Variants in DLG2 observed in about 807,000 individuals in gnomAD.
DLG2 encodes disks large homolog 2.
In DLG2, 45 loss-of-function variants were observed where a neutral mutation model predicts 132.5. That is an observed-to-expected ratio of 0.34 (90% CI 0.27 to 0.44). DLG2 has a LOEUF of 0.44. Among genes scored for constraint, DLG2 ranks in the 20% least tolerant of loss-of-function variants. DLG2 has a pLI of 1.00. For synonymous variants in DLG2, 424 were observed against 419.6 expected (o/e 1.01, Z -0.13); for missense variants, 1,045 against 1,196.9 (o/e 0.87, Z 1.87).
intron 3 of DLG2, among the ~76,000 whole-genome samples, chr11:85,296,452 T>C (rs1232943336): frequency 1.4e-5 from 2 of 144,594 alleles, no homozygotes; most frequent in Non-Finnish European, 3.0e-5. Context: ...GGCAAGATTG[T>C]TTTGTTTCGA....
chr11:83,578,503 A>T (rs142992772), intron 19 of DLG2, among the ~76,000 whole-genome samples: 2 of 152,138 alleles, frequency 1.3e-5, no homozygotes, highest in East Asian at 3.9e-4. Context: ...ATCCAACTAT[A>T]TAGTGTTTAT....
chr11:84,527,753 G>T (rs1197702909), intron 7 of DLG2, among the ~76,000 whole-genome samples: 1 of 152,052 alleles, frequency 6.6e-6, no homozygotes, highest in Non-Finnish European at 1.5e-5. Flanking sequence ...AATTTTAACT[G>T]CAAGATGCCA....
intron 6 of DLG2, among the ~76,000 whole-genome samples, chr11:84,713,734 C>G (rs2060703419): frequency 6.6e-6 from 1 of 152,080 alleles, no homozygotes; most frequent in African/African-American, 2.4e-5. Flanking sequence ...AAATACCCAT[C>G]ATCAAGCATC....
At position 83,459,841 on chromosome 11, in the gene DLG2, T is replaced by A; in HGVS notation, c.2905A>T (p.Ile969Phe). The change falls in exon 28 of 28, where the codon ATT becomes TTT. Residue 969 changes from isoleucine to phenylalanine, a missense_variant. Around this residue, in one of 4 missense-constraint regions of DLG2, gnomAD observed 398 missense variants for 543.6 expected, o/e 0.73. Transcript: ENST00000376104. ...ATTTATAACTTTTCCTTTGAGGGAATCCAGATGAAAGGCCCAGATTGCTCT... is the reference window on the plus strand; with the variant it reads ...ATTTATAACTTTTCCTTTGAGGGAAACCAGATGAAAGGCCCAGATTGCTCT... ...IEEQSGPFIW[I>F]PSKEKL is the part of the protein sequence containing the mutation. The A allele has an allele frequency of 6.2e-7, 1 of 1,608,502 alleles. No homozygotes were observed. Among genetic ancestry groups the A allele is most frequent in the Non-Finnish European group, 8.5e-7 (1 of 1,174,892 alleles).
intron 6 of DLG2, among the ~76,000 whole-genome samples, chr11:84,757,403 A>T (rs1320091126): frequency 6.6e-6 from 1 of 152,104 alleles, no homozygotes; most frequent in African/African-American, 2.4e-5. Context: ...TCTGCAGTAG[A>T]TTGTAAATTT....
At chr11:83,877,165 T>G (rs2064982184) in intron 15 of DLG2, among the ~76,000 whole-genome samples, 4 of 152,144 alleles carry the variant, frequency 2.6e-5, no homozygotes, top group African/African-American at 9.7e-5. Flanking sequence ...TTCCCCACAG[T>G]CTTAAAAGCA....
At chr11:83,523,452 C>T (rs1443864025) in intron 21 of DLG2, among the ~76,000 whole-genome samples, 1 of 152,122 alleles carries the variant, frequency 6.6e-6, no homozygotes, top group Non-Finnish European at 1.5e-5. Flanking sequence ...TAAAAATCTT[C>T]TAAAGAATCA....
chr11:85,315,101 G>A (rs1258979895), intron 3 of DLG2, among the ~76,000 whole-genome samples: 4 of 152,032 alleles, frequency 2.6e-5, no homozygotes, highest in South Asian at 4.2e-4. Flanking sequence ...TATAAAAAAC[G>A]CCTGTCATAA....
chr11:84,654,499 T>C (rs1168471781), intron 6 of DLG2, among the ~76,000 whole-genome samples: 2 of 152,344 alleles, frequency 1.3e-5, no homozygotes, highest in Non-Finnish European at 2.9e-5. Flanking sequence ...AGTAGCTTCT[T>C]CACAGGATCA....
intron 9 of DLG2, among the ~76,000 whole-genome samples, chr11:84,131,377 T>C (rs750348396): frequency 7.9e-5 from 12 of 151,998 alleles, no homozygotes; most frequent in Non-Finnish European, 1.8e-4. Flanking sequence ...ATTTGTATGT[T>C]GCGTACTTGT....
intron 17 of DLG2, among the ~76,000 whole-genome samples, chr11:83,802,540 A>T (rs1337128095): frequency 6.6e-6 from 1 of 152,146 alleles, no homozygotes; most frequent in African/African-American, 2.4e-5. Context: ...ATTATTCTTT[A>T]TTTAAACTTA....
At chr11:84,676,754 T>C (rs1271605539) in intron 6 of DLG2, among the ~76,000 whole-genome samples, 2 of 152,118 alleles carry the variant, frequency 1.3e-5, no homozygotes, top group Non-Finnish European at 2.9e-5. Flanking sequence ...ATCAATATAA[T>C]ATATTGATTA....
At chr11:84,860,670 C>A (rs1462891913) in intron 6 of DLG2, among the ~76,000 whole-genome samples, 2 of 152,084 alleles carry the variant, frequency 1.3e-5, no homozygotes, top group East Asian at 3.9e-4. Flanking sequence ...AGTAATAACA[C>A]ACATAGGTAG....
At chr11:84,890,410 A>G (rs927105654) in intron 6 of DLG2, among the ~76,000 whole-genome samples, 1 of 152,146 alleles carries the variant, frequency 6.6e-6, no homozygotes. Context: ...CTGATTAGTC[A>G]TATTCTTATA....
chr11:85,438,228 T>G (rs2091594129), intron 3 of DLG2, among the ~76,000 whole-genome samples: 1 of 152,134 alleles, frequency 6.6e-6, no homozygotes, highest in Non-Finnish European at 1.5e-5. Flanking sequence ...TCATAAGACA[T>G]CTGCCCCCAT....
At chr11:83,583,232 G>C (rs1312115839) in intron 19 of DLG2, among the ~76,000 whole-genome samples, 1 of 152,206 alleles carries the variant, frequency 6.6e-6, no homozygotes, top group Non-Finnish European at 1.5e-5. Flanking sequence ...AATATTCAAA[G>C]GGGAAAGTCA....
chr11:84,180,449 C>G (rs1159202883), intron 8 of DLG2, among the ~76,000 whole-genome samples: 1 of 151,930 alleles, frequency 6.6e-6, no homozygotes, highest in Non-Finnish European at 1.5e-5. Flanking sequence ...GAGAAAGAAA[C>G]AGAAGCAATA....
At chr11:84,485,774 T>C (rs1370149581) in intron 7 of DLG2, among the ~76,000 whole-genome samples, 1 of 152,150 alleles carries the variant, frequency 6.6e-6, no homozygotes, top group Non-Finnish European at 1.5e-5. Context: ...TCTCTTCCTG[T>C]TTCTTTTATT....
At chr11:84,876,840 A>T (rs529568667) in intron 6 of DLG2, among the ~76,000 whole-genome samples, 1 of 152,166 alleles carries the variant, frequency 6.6e-6, no homozygotes, top group African/African-American at 2.4e-5. Context: ...ATTTCCCTCT[A>T]AACACTGCTT....
Sources: gnomAD v4.1 joint callset for allele counts (sites outside exome capture counted in the v4.1 genomes callset) on GRCh38, gnomAD v4.1.1 for gene constraint, gnomAD v4.1.1 regional missense constraint, MANE v1.5 for transcripts, NCBI Gene and HGNC (gene_info 2026-07-23, HGNC 2026-07-21) for gene names.